KLHL6: variants seen among roughly 807,000 people sequenced by gnomAD.
KLHL6 encodes kelch like family member 6, also known as kelch-like protein 6.
In KLHL6, 41 loss-of-function variants were observed where a neutral mutation model predicts 58.6. The ratio of observed to expected loss-of-function variants is 0.70; its 90% confidence interval spans 0.55 to 0.91. The LOEUF (loss-of-function observed/expected upper bound fraction) is 0.91. Among genes scored for constraint, KLHL6 ranks in the 40% least tolerant of loss-of-function variants. The pLI, the probability that KLHL6 is intolerant of heterozygous loss-of-function variation, is 0.00. For synonymous variants in KLHL6, 338 were observed against 322.7 expected (o/e 1.05, Z -0.51); for missense variants, 714 against 805.6 (o/e 0.89, Z 1.38).
chr3:183,503,400 C>A (rs1399293340), intron 3 of KLHL6, among the ~76,000 whole-genome samples: 2 of 152,184 alleles, frequency 1.3e-5, no homozygotes, highest in Non-Finnish European at 2.9e-5. Context: ...CTACCATTCC[C>A]AAATCAAATG....
intron 1 of KLHL6, among the ~76,000 whole-genome samples, chr3:183,534,740 A>G (rs1454233793): frequency 6.6e-6 from 1 of 152,106 alleles, no homozygotes; most frequent in East Asian, 1.9e-4. Context: ...AATAAAAGTC[A>G]ACTTTAATAA....
At chr3:183,533,942 A>G (rs914122932) in intron 1 of KLHL6, among the ~76,000 whole-genome samples, 6 of 151,810 alleles carry the variant, frequency 4.0e-5, no homozygotes, top group African/African-American at 1.5e-4. Context: ...TGTAAAGTGA[A>G]GAAATCCCCG....
At chr3:183,506,692 G>T (rs946154987) in intron 3 of KLHL6, among the ~76,000 whole-genome samples, 1 of 152,022 alleles carries the variant, frequency 6.6e-6, no homozygotes, top group Non-Finnish European at 1.5e-5. Context: ...GCCGGGTGTG[G>T]TAGCACATGC....
chr3:183,515,474 G>C (rs1560099454), intron 2 of KLHL6, among the ~76,000 whole-genome samples: 1 of 152,134 alleles, frequency 6.6e-6, no homozygotes, highest in Non-Finnish European at 1.5e-5. Flanking sequence ...CTTGAGCCTG[G>C]GAGTTCAAGT....
chr3:183,501,145 C>T (rs1290415988), intron 3 of KLHL6, among the ~76,000 whole-genome samples: 1 of 152,174 alleles, frequency 6.6e-6, no homozygotes, highest in African/African-American at 2.4e-5. Context: ...AAAGCCTAGG[C>T]AATGGGCTGG....
chr3:183,536,020 C>T (rs1021835131), intron 1 of KLHL6, among the ~76,000 whole-genome samples: 7 of 152,160 alleles, frequency 4.6e-5, no homozygotes, highest in African/African-American at 1.2e-4. Flanking sequence ...ATGATCTGCC[C>T]CCCTCGGGCT....
rs773420836 is a variant in KLHL6, at chr3:183,508,478, A to C, written c.490T>G (p.Phe164Val). ...TCTGGGTTCAAGGCTTCAGTGAGGA[A>C]GCTGGCACAGGCATCCACCATCCGC... ...FLRMVDACAS[F>V]LTEALNPENC... Residue 164 changes from phenylalanine to valine, a missense_variant, in exon 3 of 7, where the codon TTC becomes GTC. Coordinates refer to ENST00000341319, the MANE Select transcript of KLHL6 (RefSeq NM_130446.4). The C allele has an allele frequency of 6.2e-7, 1 of 1,614,080 alleles. No individual in the cohort carries two copies. The highest frequency in any genetic ancestry group is 8.5e-7 in the Non-Finnish European group (1 of 1,179,954).
chr3:183,537,589 G>C (rs1380439557), intron 1 of KLHL6, among the ~76,000 whole-genome samples: 1 of 152,002 alleles, frequency 6.6e-6, no homozygotes, highest in East Asian at 1.9e-4. Context: ...CCCCAAAATA[G>C]AGCCTGACCC....
At chr3:183,511,357 C>T (rs964428541) in intron 2 of KLHL6, among the ~76,000 whole-genome samples, 5 of 152,236 alleles carry the variant, frequency 3.3e-5, no homozygotes, top group African/African-American at 1.2e-4. Context: ...CGGTTTTTCT[C>T]CTATCTCAGA....
chr3:183,532,907 G>A (rs1712206090), intron 1 of KLHL6, among the ~76,000 whole-genome samples: 1 of 152,212 alleles, frequency 6.6e-6, no homozygotes. Flanking sequence ...GGTGATGGGT[G>A]CCACTAGAGT....
At chr3:183,541,286 G>C (rs1712543833) in intron 1 of KLHL6, among the ~76,000 whole-genome samples, 1 of 152,200 alleles carries the variant, frequency 6.6e-6, no homozygotes, top group African/African-American at 2.4e-5. Flanking sequence ...CTGTCCCTTG[G>C]GCTTTCATGA....
At chr3:183,553,755 T>A (rs962445441) in intron 1 of KLHL6, among the ~76,000 whole-genome samples, 1 of 152,186 alleles carries the variant, frequency 6.6e-6, no homozygotes, top group Non-Finnish European at 1.5e-5. Context: ...AGATATATAA[T>A]GCTGAGTTTT....
chr3:183,509,051 T>C (rs1045136095), intron 2 of KLHL6, among the ~76,000 whole-genome samples: 4 of 152,178 alleles, frequency 2.6e-5, no homozygotes, highest in Non-Finnish European at 4.4e-5. Flanking sequence ...TGTGGAAAAC[T>C]CTACTGAACA....
rs977527511 is a variant in KLHL6 at position 183,491,917 on chromosome 3, C to G, written c.*10G>C. On this transcript the variant is annotated 3_prime_UTR_variant, in exon 7 of 7. Coordinates refer to ENST00000341319, the MANE Select transcript of KLHL6 (RefSeq NM_130446.4). ...GGGTCGGGGGGGCTCTCCAGCTCCC[C>G]ATCCTGCCGTCAGACAGACACTGCT... The G allele has an allele frequency of 6.8e-7, 1 of 1,467,500 alleles. No homozygotes were observed. Among genetic ancestry groups the G allele is most frequent in the South Asian group, 1.4e-5 (1 of 69,024 alleles). The allele number at this position is 1,467,500 out of a possible 1,614,324, so 90.9% of individuals were successfully genotyped here.
intron 1 of KLHL6, among the ~76,000 whole-genome samples, chr3:183,542,882 GGATGGA>G (rs1200672995): frequency 4.0e-5 from 6 of 151,736 alleles, no homozygotes; most frequent in Non-Finnish European, 7.4e-5. Context: ...ATGGATGGAT[GGATGGA>G]TGGATGGATG....
chr3:183,507,016 C>T (rs1376388249), intron 3 of KLHL6, among the ~76,000 whole-genome samples: 1 of 152,054 alleles, frequency 6.6e-6, no homozygotes, highest in Non-Finnish European at 1.5e-5. Context: ...CTTTGGGGAA[C>T]CACAAGCTGT....
intron 2 of KLHL6, among the ~76,000 whole-genome samples, chr3:183,524,654 G>A (rs561180176): frequency 5.9e-5 from 9 of 152,288 alleles, no homozygotes; most frequent in Admixed American, 2.6e-4. Context: ...CTTGGTCATC[G>A]GATTGTCTCT....
intron 1 of KLHL6, among the ~76,000 whole-genome samples, chr3:183,536,420 T>C (rs1171071003): frequency 2.6e-5 from 4 of 152,204 alleles, no homozygotes; most frequent in African/African-American, 7.2e-5. Flanking sequence ...TGAGTTTGCA[T>C]GTGCACAAGC....
chr3:183,540,742 T>C (rs1261744287), intron 1 of KLHL6, among the ~76,000 whole-genome samples: 1 of 152,162 alleles, frequency 6.6e-6, no homozygotes, highest in Non-Finnish European at 1.5e-5. Context: ...CCTGAGAGTT[T>C]AACTTACAAA....
Sources: gnomAD v4.1 joint callset for allele counts (sites outside exome capture counted in the v4.1 genomes callset) on GRCh38, gnomAD v4.1.1 for gene constraint, MANE v1.5 for transcripts, NCBI Gene and HGNC (gene_info 2026-07-23, HGNC 2026-07-21) for gene names.